Variants in HHAT observed in about 807,000 individuals in gnomAD.
HHAT encodes the protein protein-cysteine N-palmitoyltransferase HHAT.
Under a neutral mutation model 70.8 loss-of-function variants are expected in HHAT, and 47 were observed. The observed-to-expected ratio is 0.66, with a 90% CI of 0.53 to 0.85. The LOEUF (loss-of-function observed/expected upper bound fraction) is 0.85, where lower values mean the gene tolerates loss of function less well. HHAT is among the 40% of genes least tolerant of loss of function. HHAT has a pLI of 0.00. For missense variants in HHAT, 609 were observed against 604.8 expected, an observed-to-expected ratio of 1.01 and a Z score of -0.07; for synonymous variants, 228 against 247.6, an observed-to-expected ratio of 0.92 and a Z score of 0.74.
intron 8 of HHAT, among the ~76,000 whole-genome samples, chr1:210,478,811 T>G (rs1349761945): frequency 6.6e-6 from 1 of 152,212 alleles, no homozygotes; most frequent in Non-Finnish European, 1.5e-5. Flanking sequence ...TTATCCAGTC[T>G]TAGATGGATA....
chr1:210,582,481 G>C (rs1249503218), intron 9 of HHAT, among the ~76,000 whole-genome samples: 1 of 152,140 alleles, frequency 6.6e-6, no homozygotes, highest in Non-Finnish European at 1.5e-5. Flanking sequence ...CTGTCATAGA[G>C]TTAGGTGATA....
At chr1:210,605,737 A>G (rs1027460068) in intron 10 of HHAT, among the ~76,000 whole-genome samples, 2 of 152,128 alleles carry the variant, frequency 1.3e-5, no homozygotes. Context: ...AGCAGCCTCC[A>G]TTCATCCCAT....
chr1:210,507,874 A>G (rs1485984901), intron 8 of HHAT, among the ~76,000 whole-genome samples: 1 of 152,070 alleles, frequency 6.6e-6, no homozygotes, highest in African/African-American at 2.4e-5. Flanking sequence ...TATATTAATT[A>G]GCTTGATTTA....
chr1:210,364,809 C>T lies in HHAT; in HGVS notation c.159+1890C>T, dbSNP rs147298456. Among the ~76,000 whole-genome samples the T allele has an allele frequency of 3.5e-3, 537 of 152,302 alleles. 4 individuals are homozygous for T. Among genetic ancestry groups the T allele is most frequent in the African/African-American group, 0.012 (510 of 41,554 alleles). ...ACAGCTCTCATAACAGGTCTGGGGT[C>T]GGGAGTGTTGTTGCTCAGGCCAATT... On this transcript the variant is annotated intron_variant, in intron 3 of 11. Transcript: ENST00000261458.
intron 7 of HHAT, among the ~76,000 whole-genome samples, chr1:210,438,626 G>A (rs2093434379): frequency 6.6e-6 from 1 of 151,622 alleles, no homozygotes; most frequent in African/African-American, 2.4e-5. Context: ...ACGGTTATTT[G>A]GCTGTTTTAG....
intron 4 of HHAT, among the ~76,000 whole-genome samples, chr1:210,399,210 AG>A (rs1434105900): frequency 6.6e-6 from 1 of 152,184 alleles, no homozygotes; most frequent in Admixed American, 6.5e-5. Flanking sequence ...GTATTTGTAG[AG>A]TCCTTCCTGT....
chr1:210,540,719 C>T (rs986217130), intron 9 of HHAT, among the ~76,000 whole-genome samples: 1 of 151,726 alleles, frequency 6.6e-6, no homozygotes, highest in African/African-American at 2.4e-5. Flanking sequence ...TAATAGCACA[C>T]GACAGTTTAG....
chr1:210,496,846 A>C (rs1294993492), intron 8 of HHAT, among the ~76,000 whole-genome samples: 1 of 152,230 alleles, frequency 6.6e-6, no homozygotes, highest in Non-Finnish European at 1.5e-5. Flanking sequence ...CCTTAACTGA[A>C]TTGAGCCTGT....
chr1:210,582,768 T>A (rs1445497968), intron 9 of HHAT, among the ~76,000 whole-genome samples: 1 of 152,188 alleles, frequency 6.6e-6, no homozygotes, highest in African/African-American at 2.4e-5. Context: ...ATAGCAGGTG[T>A]TATCTCTGCT....
chr1:210,588,306 T>A, intron 10 of HHAT: 1 of 486,676 alleles, frequency 2.1e-6, no homozygotes, highest in South Asian at 4.2e-5. Flanking sequence ...TGTGTGTGTA[T>A]ATATAACTAT....
At chr1:210,445,571 A>T (rs542891872) in intron 7 of HHAT, among the ~76,000 whole-genome samples, 2 of 152,230 alleles carry the variant, frequency 1.3e-5, no homozygotes, top group African/African-American at 4.8e-5. Context: ...ACATATTTAC[A>T]TAACCCTTTT....
intron 3 of HHAT, among the ~76,000 whole-genome samples, chr1:210,382,579 C>T (rs1035860730): frequency 6.6e-6 from 1 of 152,048 alleles, no homozygotes; most frequent in African/African-American, 2.4e-5. Context: ...AGAGAAAATA[C>T]AGGAATAAAA....
intron 7 of HHAT, among the ~76,000 whole-genome samples, chr1:210,420,128 A>G (rs963441694): frequency 6.6e-6 from 1 of 152,184 alleles, no homozygotes; most frequent in Non-Finnish European, 1.5e-5. Context: ...CCTCTCTGAA[A>G]AGATTACCTG....
At position 210,437,231 on chromosome 1, in the gene HHAT, G is replaced by A. The variant is rs533320688; in HGVS notation, c.856+18906G>A. Among the ~76,000 whole-genome samples, 4 of 151,930 alleles carry A rather than the reference G, an allele frequency of 2.6e-5. No homozygotes were observed. The East Asian group carries it at 7.7e-4, about 29-fold the overall frequency. On this transcript the variant is annotated intron_variant, in intron 7 of 11. Coordinates refer to ENST00000261458, the MANE Select transcript of HHAT (RefSeq NM_018194.6). ...TAAGGCTAACTGCTTTTGAATGATG[G>A]GATAAGACTAGTGAATCCCATAGCC... is the stretch of plus-strand genomic sequence containing the variant.
chr1:210,672,903 A>G (rs1459342411), intron 11 of HHAT, among the ~76,000 whole-genome samples: 2 of 152,186 alleles, frequency 1.3e-5, no homozygotes, highest in East Asian at 1.9e-4. Flanking sequence ...ATAATGCTTA[A>G]TCTACATTTT....
intron 7 of HHAT, among the ~76,000 whole-genome samples, chr1:210,441,900 G>A (rs1050868195): frequency 6.6e-6 from 1 of 151,520 alleles, no homozygotes; most frequent in Non-Finnish European, 1.5e-5. Context: ...TGCACATTGT[G>A]CAGGTTAGTT....
chr1:210,450,300 G>GT (rs1553374429), intron 7 of HHAT, among the ~76,000 whole-genome samples: 55 of 150,616 alleles, frequency 3.7e-4, no homozygotes, highest in Non-Finnish European at 1.2e-4. Flanking sequence ...CAGGTGGGGG[G>GT]GGTGGGAAAC....
intron 8 of HHAT, among the ~76,000 whole-genome samples, chr1:210,506,333 A>G (rs1375539362): frequency 1.3e-5 from 2 of 152,206 alleles, no homozygotes; most frequent in Non-Finnish European, 2.9e-5. Context: ...GCTGCCTGAA[A>G]GTGCCTGAAA....
intron 7 of HHAT, among the ~76,000 whole-genome samples, chr1:210,448,323 C>G (rs919513648): frequency 3.9e-5 from 6 of 152,104 alleles, no homozygotes; most frequent in African/African-American, 1.4e-4. Flanking sequence ...CTCAGGTGAT[C>G]TGCACACCTC....
Sources: allele counts gnomAD v4.1 joint callset (sites outside exome capture counted in the v4.1 genomes callset), GRCh38; gene constraint gnomAD v4.1.1; transcripts MANE v1.5; gene names NCBI Gene and HGNC (gene_info 2026-07-23, HGNC 2026-07-21).